NOVA1: variants seen among roughly 807,000 people sequenced by gnomAD.
NOVA1 encodes RNA-binding protein Nova-1.
In NOVA1, 7 loss-of-function variants were observed where a neutral mutation model predicts 38.0. The ratio of observed to expected loss-of-function variants is 0.18; its 90% CI spans 0.10 to 0.35. The LOEUF (loss-of-function observed/expected upper bound fraction) is 0.35. Ranked by LOEUF, NOVA1 falls within the 10% of genes least tolerant of loss-of-function variation. The pLI is 1.00. For synonymous variants in NOVA1, 270 were observed against 232.5 expected (o/e 1.16, Z -1.47); for missense variants, 460 against 616.0 (o/e 0.75, Z 2.68).
At chr14:26,462,437 T>C (rs1883759767) in intron 4 of NOVA1, among the ~76,000 whole-genome samples, 1 of 151,700 alleles carries the variant, frequency 6.6e-6, no homozygotes, top group Non-Finnish European at 1.5e-5. Context: ...GTGATAGTGT[T>C]TCTCAAACAT....
At chr14:26,502,621 GCC>G (rs1887320803) in intron 2 of NOVA1, among the ~76,000 whole-genome samples, 1 of 141,484 alleles carries the variant, frequency 7.1e-6, no homozygotes, top group Non-Finnish European at 1.5e-5. Context: ...AAAAAAAAAA[GCC>G]TACTTATAGT....
rs527354183 is a variant in NOVA1, at chr14:26,560,372, A to C, written c.280+35038T>G. ...ATTTACTTTCTGTCTATGTCACATA[A>C]AGAAACTGTCAAAGTGGTGTTCTAT... On this transcript the variant is annotated intron_variant, in intron 2 of 4. Coordinates refer to ENST00000539517, the MANE Select transcript of NOVA1 (RefSeq NM_002515.3). Among the ~76,000 whole-genome samples the C allele has an allele frequency of 7.6e-4, 115 of 152,300 alleles. 1 individual carries two copies. Among genetic ancestry groups the C allele is most frequent in the Non-Finnish European group, 1.3e-3 (90 of 68,014 alleles).
chr14:26,532,428 A>G (rs1889784367), intron 2 of NOVA1, among the ~76,000 whole-genome samples: 1 of 152,198 alleles, frequency 6.6e-6, no homozygotes, highest in Non-Finnish European at 1.5e-5. Flanking sequence ...ACTAGACACA[A>G]GGCTACATAA....
intron 2 of NOVA1, among the ~76,000 whole-genome samples, chr14:26,547,139 G>A (rs1403523056): frequency 6.6e-6 from 1 of 152,068 alleles, no homozygotes; most frequent in African/African-American, 2.4e-5. Flanking sequence ...TTTCCTTAAA[G>A]TTTAATTATT....
chr14:26,523,774 G>A (rs191275834), intron 2 of NOVA1, among the ~76,000 whole-genome samples: 168 of 123,490 alleles, frequency 1.4e-3, no homozygotes, highest in Non-Finnish European at 2.1e-3. Flanking sequence ...TTTTTGAGAC[G>A]GACTCTCGCT....
rs1881856290 is a variant in NOVA1 at position 26,443,632 on chromosome 14, G to A, written c.*4327C>T. 1 of 152,120 alleles carries A rather than the reference G, an allele frequency of 6.6e-6. No homozygotes were observed. The highest frequency in any genetic ancestry group is 1.5e-5 in the Non-Finnish European group (1 of 67,820). The allele number at this position is 152,120 out of a possible 1,614,324, so 9.4% of individuals were successfully genotyped here. A position where few individuals can be genotyped will look rare whatever the true frequency, so the allele number is the denominator to read the frequency against. On this transcript the variant is annotated 3_prime_UTR_variant, in exon 5 of 5. Coordinates refer to ENST00000539517, the MANE Select transcript of NOVA1 (RefSeq NM_002515.3). The stretch of plus-strand genomic sequence containing the variant: ...AGATTTCCAAATATAATCTGTTAAA[G>A]TAATATGATACTTACCCTTTATGTA...
At chr14:26,491,052 G>A (rs1416557478) in intron 2 of NOVA1, among the ~76,000 whole-genome samples, 4 of 151,916 alleles carry the variant, frequency 2.6e-5, no homozygotes, top group East Asian at 1.9e-4. Flanking sequence ...GGGTTTCACC[G>A]TGTTAGCCAG....
At chr14:26,462,447 T>C (rs1190990953) in intron 4 of NOVA1, among the ~76,000 whole-genome samples, 1 of 151,294 alleles carries the variant, frequency 6.6e-6, no homozygotes, top group African/African-American at 2.5e-5. Context: ...TTCTCAAACA[T>C]TTCAAGAGGC....
intron 2 of NOVA1, among the ~76,000 whole-genome samples, chr14:26,533,766 C>T (rs1889884712): frequency 6.6e-6 from 1 of 152,126 alleles, no homozygotes; most frequent in African/African-American, 2.4e-5. Flanking sequence ...AAATTCTTAT[C>T]TTTGCATGCA....
intron 4 of NOVA1, among the ~76,000 whole-genome samples, chr14:26,468,604 T>C (rs981916268): frequency 2.0e-5 from 3 of 152,286 alleles, no homozygotes; most frequent in African/African-American, 7.2e-5. Flanking sequence ...GGTTGTGAAA[T>C]AGTCATCTAG....
chr14:26,550,719 A>T (rs1479746185), intron 2 of NOVA1, among the ~76,000 whole-genome samples: 1 of 152,130 alleles, frequency 6.6e-6, no homozygotes, highest in Non-Finnish European at 1.5e-5. Context: ...ATTATTCAAA[A>T]TATTCACACC....
intron 3 of NOVA1, among the ~76,000 whole-genome samples, chr14:26,478,222 C>T (rs978348850): frequency 2.6e-5 from 4 of 151,854 alleles, no homozygotes; most frequent in African/African-American, 7.2e-5. Context: ...CTGTAAATCT[C>T]ATACTGCCAT....
At chr14:26,522,124 G>A (rs1023122418) in intron 2 of NOVA1, among the ~76,000 whole-genome samples, 16 of 151,918 alleles carry the variant, frequency 1.1e-4, no homozygotes, top group Non-Finnish European at 2.9e-5. Context: ...ATATTTTAGG[G>A]TCATGTCCAT....
intron 4 of NOVA1, among the ~76,000 whole-genome samples, chr14:26,466,567 A>G (rs1884155703): frequency 6.6e-6 from 1 of 152,202 alleles, no homozygotes; most frequent in Non-Finnish European, 1.5e-5. Context: ...AATTGTGAAC[A>G]TAAAATTAGG....
intron 2 of NOVA1, among the ~76,000 whole-genome samples, chr14:26,522,265 T>C (rs1888953810): frequency 6.6e-6 from 1 of 152,140 alleles, no homozygotes; most frequent in Non-Finnish European, 1.5e-5. Flanking sequence ...GATAAATGGA[T>C]TTTGAAATAT....
intron 2 of NOVA1, among the ~76,000 whole-genome samples, chr14:26,521,428 C>T (rs889033352): frequency 2.6e-5 from 4 of 152,024 alleles, no homozygotes; most frequent in African/African-American, 4.8e-5. Flanking sequence ...ACAAAACAGA[C>T]TCACGAACTC....
In NOVA1 at chr14:26,468,054, G is replaced by T. The variant is rs549951648; in HGVS notation, c.519+4266C>A. Among the ~76,000 whole-genome samples, 241 of 152,260 alleles carry T rather than the reference G, an allele frequency of 1.6e-3. 5 individuals carry two copies. Among genetic ancestry groups the T allele is most frequent in the South Asian group, 0.015 (74 of 4,826 alleles). ...TGGCAAAAGTGATGCAATGTCATTA[G>T]CATGATTAAATTATGTTGTAGGGTA... On this transcript the variant is annotated intron_variant, in intron 4 of 4. Transcript: ENST00000539517.
intron 4 of NOVA1, among the ~76,000 whole-genome samples, chr14:26,453,856 C>T (rs2138577438): frequency 6.6e-6 from 1 of 152,198 alleles, no homozygotes; most frequent in Admixed American, 6.5e-5. Flanking sequence ...TTTAGGGCTG[C>T]CATATTTACT....
intron 2 of NOVA1, among the ~76,000 whole-genome samples, chr14:26,545,505 A>T (rs557192469): frequency 6.6e-6 from 1 of 152,222 alleles, no homozygotes; most frequent in East Asian, 1.9e-4. Context: ...ATGGGGCTGA[A>T]GACATAAGGG....
Sources: gnomAD v4.1 joint callset for allele counts (sites outside exome capture counted in the v4.1 genomes callset) on GRCh38, gnomAD v4.1.1 for gene constraint, MANE v1.5 for transcripts, NCBI Gene and HGNC (gene_info 2026-07-23, HGNC 2026-07-21) for gene names.